Variants in EXOC2 observed in about 807,000 individuals in gnomAD.
EXOC2 encodes the protein SEC5-like 1.
A neutral mutation model predicts 131.8 loss-of-function variants in EXOC2; 70 were observed. That is an observed-to-expected ratio of 0.53 (90% confidence interval 0.44 to 0.65). The LOEUF (loss-of-function observed/expected upper bound fraction) is 0.65. Ranked by LOEUF, EXOC2 falls within the 30% of genes least tolerant of loss-of-function variation. The pLI is 0.00. For missense variants in EXOC2, 923 were observed against 1,108.6 expected (o/e 0.83, Z 2.38); for synonymous variants, 411 against 398.4 (o/e 1.03, Z -0.38).
At position 681,993 on chromosome 6, in the gene EXOC2, A is replaced by G. The variant is rs1764423638; in HGVS notation, c.-44+11026T>C. Among the ~76,000 whole-genome samples the G allele has an allele frequency of 2.0e-5, 3 of 152,168 alleles. No individual in the cohort carries two copies. The South Asian group carries it at 6.2e-4, about 32-fold the overall frequency. On this transcript the variant is annotated intron_variant, in intron 1 of 27. Coordinates refer to ENST00000230449, the MANE Select transcript of EXOC2 (RefSeq NM_018303.6). ...AATGGAGGGAATCTGTTCAGTCAGGATTTATTCATTTAGAGTTCTACATCG... is the reference window on the plus strand; with the variant it reads ...AATGGAGGGAATCTGTTCAGTCAGGGTTTATTCATTTAGAGTTCTACATCG...
intron 27 of EXOC2, among the ~76,000 whole-genome samples, chr6:488,106 G>GAA (rs1223863799): frequency 2.0e-5 from 3 of 152,234 alleles, no homozygotes; most frequent in Non-Finnish European, 4.4e-5. Context: ...GCCCACGTGG[G>GAA]ATGCGTGCGG....
intron 6 of EXOC2, among the ~76,000 whole-genome samples, chr6:611,829 T>C (rs1760730348): frequency 6.6e-6 from 1 of 152,186 alleles, no homozygotes; most frequent in Non-Finnish European, 1.5e-5. Flanking sequence ...ACATTATAAG[T>C]TTGTATTTGA....
At chr6:562,066 C>G (rs1561859187) in intron 17 of EXOC2, among the ~76,000 whole-genome samples, 1 of 152,166 alleles carries the variant, frequency 6.6e-6, no homozygotes, top group Non-Finnish European at 1.5e-5. Context: ...ACGAGTGACC[C>G]CGAGGCCAGC....
intron 1 of EXOC2, among the ~76,000 whole-genome samples, chr6:648,416 T>C (rs987302066): frequency 2.0e-5 from 3 of 152,336 alleles, no homozygotes; most frequent in Admixed American, 6.5e-5. Context: ...CATGCCAGAC[T>C]CCCTTGAGTT....
In EXOC2 at chr6:553,930, G is replaced by C; in HGVS notation, c.2055-10C>G. 6.2e-7 allele frequency: 1 copy of C among 1,611,008 alleles called. No homozygotes were observed. Among genetic ancestry groups the C allele is most frequent in the Non-Finnish European group, 8.5e-7 (1 of 1,177,348 alleles). ...AACATCAACAGAGAGACTGAACATA[G>C]AAGCAAGTAGGAACAGTTACAAATA... On this transcript the variant is annotated splice_polypyrimidine_tract_variant and intron_variant, in intron 20 of 27. Coordinates refer to ENST00000230449, the MANE Select transcript of EXOC2 (RefSeq NM_018303.6).
At chr6:621,061 C>A (rs1367858203) in intron 4 of EXOC2, among the ~76,000 whole-genome samples, 1 of 152,232 alleles carries the variant, frequency 6.6e-6, no homozygotes, top group Non-Finnish European at 1.5e-5. Flanking sequence ...ACCGCAGACA[C>A]TCCCTGCTGG....
intron 1 of EXOC2, among the ~76,000 whole-genome samples, chr6:671,322 G>C (rs1056490284): frequency 1.3e-5 from 2 of 150,554 alleles, no homozygotes; most frequent in African/African-American, 4.9e-5. Context: ...GGGTGACAGA[G>C]TGAGACTGTC....
intron 23 of EXOC2, among the ~76,000 whole-genome samples, chr6:528,477 A>G (rs1442793160): frequency 6.6e-6 from 1 of 152,248 alleles, no homozygotes. Flanking sequence ...GCTGAGGTTC[A>G]GTTAGTAATC....
At chr6:539,568 C>T (rs924031916) in intron 22 of EXOC2, among the ~76,000 whole-genome samples, 15 of 152,230 alleles carry the variant, frequency 9.9e-5, no homozygotes, top group African/African-American at 3.6e-4. Context: ...ATTTCTCTAA[C>T]TTCTTTACTG....
chr6:547,417 C>T (rs1756924203), intron 22 of EXOC2, among the ~76,000 whole-genome samples: 1 of 152,188 alleles, frequency 6.6e-6, no homozygotes, highest in African/African-American at 2.4e-5. Flanking sequence ...CATGAGGTCC[C>T]CCTATGAGAG....
At chr6:678,091 G>A (rs967775845) in intron 1 of EXOC2, among the ~76,000 whole-genome samples, 2 of 152,166 alleles carry the variant, frequency 1.3e-5, no homozygotes, top group Non-Finnish European at 2.9e-5. Context: ...TAACTGGCAC[G>A]AAGGACATGA....
intron 13 of EXOC2, among the ~76,000 whole-genome samples, chr6:566,645 T>C (rs1315120598): frequency 6.6e-6 from 1 of 152,166 alleles, no homozygotes; most frequent in African/African-American, 2.4e-5. Flanking sequence ...AGGTGACAAA[T>C]AGCTCTTTTC....
chr6:524,996 G>A (rs1561815301), intron 23 of EXOC2: 4 of 152,284 alleles, frequency 2.6e-5, no homozygotes, highest in Non-Finnish European at 4.4e-5. Flanking sequence ...CCTCCTGCAA[G>A]GGTTCAAGCG....
intron 11 of EXOC2, among the ~76,000 whole-genome samples, chr6:581,308 A>T (rs1309323109): frequency 2.6e-5 from 4 of 152,162 alleles, no homozygotes; most frequent in Non-Finnish European, 5.9e-5. Context: ...AAAAAAAAAA[A>T]AAAAGTAACA....
intron 1 of EXOC2, among the ~76,000 whole-genome samples, chr6:643,639 A>G (rs1157731280): frequency 1.3e-5 from 2 of 152,040 alleles, no homozygotes; most frequent in Non-Finnish European, 2.9e-5. Context: ...TAAGGGCTAA[A>G]TAAACTCAAA....
intron 6 of EXOC2, among the ~76,000 whole-genome samples, chr6:611,431 T>C (rs1011349969): frequency 2.0e-5 from 3 of 152,208 alleles, no homozygotes; most frequent in African/African-American, 7.2e-5. Context: ...TAAGTCAAAA[T>C]TAGCATTAAA....
At chr6:599,031 A>C in intron 8 of EXOC2, 49 bp downstream of exon 8, 1 of 1,567,670 alleles carries the variant, frequency 6.4e-7, no homozygotes, top group Middle Eastern at 1.7e-4. Flanking sequence ...AAATCTTAAA[A>C]ATGTATGACA....
chr6:599,140 C>G lies in EXOC2; in HGVS notation c.828G>C (p.Val276=), dbSNP rs376749952. ...TGAAAAGAAACTTAAATCGCTGAAG[C>G]ACATTGAGTGCATTTCTAGTGGAAT... is the stretch of plus-strand genomic sequence containing the variant. ...KADSTRNALN[V]LQRFKFLFNL... Residue 276 remains valine, a synonymous_variant, in exon 8 of 28, where the codon GTG becomes GTC. Transcript: ENST00000230449. 20 of 1,613,130 alleles carry G rather than the reference C, an allele frequency of 1.2e-5. No individual in the cohort carries two copies. The highest frequency in any genetic ancestry group is 1.7e-5 in the Non-Finnish European group (20 of 1,179,556).
chr6:582,321 G>A (rs1244062209), intron 11 of EXOC2, among the ~76,000 whole-genome samples: 1 of 152,040 alleles, frequency 6.6e-6, no homozygotes, highest in Admixed American at 6.5e-5. Context: ...CACGGAGCCA[G>A]GTGAGTAAGG....
Sources: gnomAD v4.1 joint callset for allele counts (sites outside exome capture counted in the v4.1 genomes callset) on GRCh38, gnomAD v4.1.1 for gene constraint, MANE v1.5 for transcripts, NCBI Gene and HGNC (gene_info 2026-07-23, HGNC 2026-07-21) for gene names.